SYNPO2: variants seen among roughly 807,000 people sequenced by gnomAD.
SYNPO2 encodes synaptopodin 2, also known as synaptopodin-2.
Under a neutral mutation model 85.0 loss-of-function variants are expected in SYNPO2, and 56 were observed. The ratio of observed to expected loss-of-function variants is 0.66; its 90% CI spans 0.53 to 0.82. The LOEUF is 0.82. Among genes scored for constraint, SYNPO2 ranks in the 40% least tolerant of loss-of-function variants. The pLI is 0.00. For synonymous variants in SYNPO2, 602 were observed against 591.1 expected (o/e 1.02, Z -0.27); for missense variants, 1,575 against 1,534.2 (o/e 1.03, Z -0.44).
rs946652982 is a variant in SYNPO2, at chr4:119,029,488, A to G, written c.1070-357A>G. Among the ~76,000 whole-genome samples the G allele has an allele frequency of 8.8e-4, 134 of 152,248 alleles. 1 individual carries two copies. The highest frequency in any genetic ancestry group is 3.2e-3 in the African/African-American group (131 of 41,556). ...CTCATCTTGTTTTTCAGAAAATATT[A>G]TGTCTTTAAATTATGTCCTTCTTAA... On this transcript the variant is annotated intron_variant, in intron 3 of 4. Transcript: ENST00000307142.
At chr4:119,044,340 T>C (rs970233535) in intron 4 of SYNPO2, among the ~76,000 whole-genome samples, 2 of 152,186 alleles carry the variant, frequency 1.3e-5, no homozygotes, top group Non-Finnish European at 2.9e-5. Flanking sequence ...GTCTCTAAAA[T>C]GAAATGACAT....
Position 118,959,350 on chromosome 4 carries a change from G to A in SYNPO2, c.106-64080G>A, listed in dbSNP as rs550527109. On this transcript the variant is annotated intron_variant, in intron 1 of 4. Transcript: ENST00000307142. ...AGGTTTCAAATGTTCGCCCTTTGTA[G>A]GCTTGAGAATGAAGAATTAAAAGAA... Among the ~76,000 whole-genome samples the A allele has an allele frequency of 2.0e-5, 3 of 152,278 alleles. No homozygotes were observed. In the East Asian group the frequency reaches 5.8e-4, roughly 29 times the overall value.
At chr4:118,907,326 G>C (rs7666022) in intron 1 of SYNPO2, among the ~76,000 whole-genome samples, 131,270 of 152,124 alleles carry the variant, frequency 0.86, 56,682 homozygotes, top group Middle Eastern at 0.95. Context: ...TGTTTTGTTT[G>C]CCTTCCCCCA....
rs1553945967 is a variant in SYNPO2 at position 119,007,263 on chromosome 4, T to TGTATATACATATATATGTATATAC, written c.106-16167_106-16166insGTATATACATATATATGTATATAC. Among the ~76,000 whole-genome samples, 43 of 77,778 alleles carry TGTATATACATATATATGTATATAC rather than the reference T, an allele frequency of 5.5e-4. 3 individuals carry two copies. Among genetic ancestry groups the TGTATATACATATATATGTATATAC allele is most frequent in the South Asian group, 4.5e-3 (11 of 2,456 alleles). 51.0% of individuals were successfully genotyped at this position (77,778 alleles called of 152,430 possible). On this transcript the variant is annotated intron_variant, in intron 1 of 4. Coordinates refer to ENST00000307142, the MANE Select transcript of SYNPO2 (RefSeq NM_133477.3). ...ATATATATGTATATACATATATATA[T>TGTATATACATATATATGTATATAC]ATATATATATATGTATATACATATA... is the stretch of plus-strand genomic sequence containing the variant.
At chr4:119,041,309 A>G (rs1282813266) in intron 4 of SYNPO2, among the ~76,000 whole-genome samples, 2 of 152,212 alleles carry the variant, frequency 1.3e-5, no homozygotes, top group Non-Finnish European at 2.9e-5. Context: ...TTACTGTACT[A>G]AAAACCCCTT....
intron 4 of SYNPO2, chr4:119,033,033 T>C (rs1158071601): frequency 5.1e-6 from 5 of 982,436 alleles, no homozygotes; most frequent in East Asian, 1.2e-4. Context: ...TGGTAGAGTA[T>C]ACAGGATAAC....
chr4:118,957,004 C>A (rs1161104240), intron 1 of SYNPO2, among the ~76,000 whole-genome samples: 1 of 151,208 alleles, frequency 6.6e-6, no homozygotes. Flanking sequence ...GAGATTGCAC[C>A]AGTACACTCC....
In SYNPO2 at chr4:119,051,186, A is replaced by ATTTTT. The variant is rs369864760; in HGVS notation, c.3253-6198_3253-6194dup. On this transcript the variant is annotated intron_variant, in intron 4 of 4. Transcript: ENST00000307142. ...CACTGGGGTAAAGCCATGGGAAGCA[A>ATTTTT]TTTTTTTTTTTTTTTTTTTTTGAGA... 4.2e-4 allele frequency among the ~76,000 whole-genome samples: 42 copies of ATTTTT among 100,660 alleles called. 11 individuals carry two copies. The highest frequency in any genetic ancestry group is 1.6e-3 in the East Asian group (5 of 3,126). The allele number at this position is 100,660 out of a possible 152,430, so 66.0% of individuals were successfully genotyped here. A position where few individuals can be genotyped will look rare whatever the true frequency, so the allele number is the denominator to read the frequency against.
upstream of SYNPO2, among the ~76,000 whole-genome samples, chr4:118,886,356 T>C (rs1422810590): frequency 2.0e-5 from 3 of 152,098 alleles, no homozygotes; most frequent in East Asian, 1.9e-4. Flanking sequence ...GTCATCTAGG[T>C]TTTAAGCCCC....
At chr4:118,876,395 G>A (rs1291955069) in intron 1 of SYNPO2, among the ~76,000 whole-genome samples, 3 of 152,076 alleles carry the variant, frequency 2.0e-5, no homozygotes, top group African/African-American at 4.8e-5. Context: ...CACTCCCATC[G>A]CGCTCTGCCA....
intron 1 of SYNPO2, among the ~76,000 whole-genome samples, chr4:118,945,248 T>TA (rs1202400629): frequency 6.6e-6 from 1 of 152,196 alleles, no homozygotes; most frequent in Admixed American, 6.5e-5. Flanking sequence ...GATCATGTTT[T>TA]AAAAAATGTA....
intron 1 of SYNPO2, among the ~76,000 whole-genome samples, chr4:118,998,156 G>A (rs1034827037): frequency 3.3e-5 from 5 of 152,156 alleles, no homozygotes; most frequent in Admixed American, 1.3e-4. Context: ...AAATTACAAG[G>A]CCTTGAATTA....
At chr4:119,057,275 G>T in intron 4 of SYNPO2, 126 bp from the exon 5 acceptor site, 1 of 1,100,150 alleles carries the variant, frequency 9.1e-7, no homozygotes, top group Non-Finnish European at 1.2e-6. Flanking sequence ...ATTCTGGGGG[G>T]TTAATTTATT....
chr4:118,855,085 T>C (rs1459512685), intron 1 of SYNPO2, among the ~76,000 whole-genome samples: 4 of 151,646 alleles, frequency 2.6e-5, no homozygotes, highest in Admixed American at 1.3e-4. Flanking sequence ...ACAACAATAT[T>C]TGCAAACAGG....
chr4:118,909,231 G>A (rs1045144419), intron 1 of SYNPO2, among the ~76,000 whole-genome samples: 3 of 152,226 alleles, frequency 2.0e-5, no homozygotes, highest in Non-Finnish European at 4.4e-5. Flanking sequence ...TCAGGGTTGT[G>A]AAACATACGG....
chr4:118,918,577 G>T (rs1411126236), intron 1 of SYNPO2, among the ~76,000 whole-genome samples: 1 of 152,074 alleles, frequency 6.6e-6, no homozygotes, highest in African/African-American at 2.4e-5. Flanking sequence ...TGACTCATTT[G>T]CAGAGCAGCA....
Position 118,889,002 on chromosome 4 carries a change from T to A in SYNPO2, c.-35T>A, listed in dbSNP as rs1351973465. On this transcript the variant is annotated 5_prime_UTR_variant, in exon 1 of 5. Transcript: ENST00000307142. Reference sequence around the variant, plus strand: ...CCGCACCCAAGCTTCGTCTGTCTCGTCAAGCTCTTCATGCTGCCCAACTAA... The same window carrying A: ...CCGCACCCAAGCTTCGTCTGTCTCGACAAGCTCTTCATGCTGCCCAACTAA... The A allele has an allele frequency of 6.2e-7, 1 of 1,608,816 alleles. No homozygotes were observed. Among genetic ancestry groups the A allele is most frequent in the Non-Finnish European group, 8.5e-7 (1 of 1,175,664 alleles).
chr4:118,941,637 C>G (rs1188188346), intron 1 of SYNPO2, among the ~76,000 whole-genome samples: 1 of 152,196 alleles, frequency 6.6e-6, no homozygotes, highest in Non-Finnish European at 1.5e-5. Context: ...TCTGGCCCCT[C>G]TGACTGGGAT....
intron 1 of SYNPO2, among the ~76,000 whole-genome samples, chr4:119,012,375 CT>C (rs10651853): frequency 0.037 from 4,090 of 109,776 alleles, 156 homozygotes; most frequent in African/African-American, 0.12. Flanking sequence ...TCCCCCTTTT[CT>C]TTTTTTTTTT....
Sources: allele counts gnomAD v4.1 joint callset (sites outside exome capture counted in the v4.1 genomes callset), GRCh38; gene constraint gnomAD v4.1.1; transcripts MANE v1.5; gene names NCBI Gene and HGNC (gene_info 2026-07-23, HGNC 2026-07-21).